The following FBXL13 variants were observed in gnomAD, a reference collection of about 807,000 sequenced individuals.
FBXL13 encodes the protein F-box and leucine rich repeat protein 13, also known as F-box and leucine-rich repeat protein 13.
FBXL13 carries 67 observed loss-of-function variants against 83.6 expected under a neutral mutation model. That is an observed-to-expected ratio of 0.80 (90% CI 0.66 to 0.98). The LOEUF (loss-of-function observed/expected upper bound fraction) is 0.98, where lower values mean the gene tolerates loss of function less well. Ranked by LOEUF, FBXL13 falls within the 50% of genes least tolerant of loss-of-function variation. The pLI, the probability that FBXL13 is intolerant of heterozygous loss-of-function variation, is 0.00. For synonymous variants in FBXL13, 272 were observed against 299.5 expected, an observed-to-expected ratio of 0.91 and a Z score of 0.95; for missense variants, 822 against 866.5, an observed-to-expected ratio of 0.95 and a Z score of 0.64.
chr7:103,059,645 A>C (rs1797663432), intron 1 of FBXL13, among the ~76,000 whole-genome samples: 1 of 151,976 alleles, frequency 6.6e-6, no homozygotes, highest in Admixed American at 6.6e-5. Context: ...TTCACAAAGC[A>C]ATTACGTAAT....
At chr7:102,916,802 G>A (rs1815971281) in intron 10 of FBXL13, among the ~76,000 whole-genome samples, 1 of 150,360 alleles carries the variant, frequency 6.7e-6, no homozygotes, top group African/African-American at 2.5e-5. Flanking sequence ...GGGGGGGGGT[G>A]TGAGTCCTCT....
At chr7:103,026,218 A>T (rs1004801413) in intron 5 of FBXL13, among the ~76,000 whole-genome samples, 2 of 151,902 alleles carry the variant, frequency 1.3e-5, no homozygotes, top group Non-Finnish European at 2.9e-5. Context: ...GGCTCACTGC[A>T]TCCTCCACCT....
At chr7:102,841,702 T>G (rs1483793914) in intron 17 of FBXL13, among the ~76,000 whole-genome samples, 3 of 152,214 alleles carry the variant, frequency 2.0e-5, no homozygotes, top group Non-Finnish European at 2.9e-5. Flanking sequence ...GAGAATACTG[T>G]TTATTTCTTT....
intron 2 of FBXL13, among the ~76,000 whole-genome samples, chr7:103,030,299 A>G (rs986102783): frequency 2.2e-4 from 34 of 152,230 alleles, no homozygotes; most frequent in Non-Finnish European, 4.7e-4. Context: ...CATACAAGAA[A>G]GGCCCATAGG....
chr7:102,826,375 C>A (rs1799620797), intron 18 of FBXL13, among the ~76,000 whole-genome samples: 1 of 151,930 alleles, frequency 6.6e-6, no homozygotes, highest in African/African-American at 2.4e-5. Flanking sequence ...AAAAGAGAGT[C>A]CAAGTTTTTG....
intron 7 of FBXL13, 118 bp from the exon 9 acceptor site, chr7:102,963,783 G>T: frequency 1.7e-5 from 16 of 952,390 alleles, no homozygotes; most frequent in Non-Finnish European, 2.4e-5. Context: ...TACAGCAAAA[G>T]AAACTATCAA....
intron 11 of FBXL13, among the ~76,000 whole-genome samples, chr7:102,911,069 T>A (rs542438117): frequency 6.6e-6 from 1 of 152,224 alleles, no homozygotes; most frequent in Admixed American, 6.5e-5. Flanking sequence ...CCTAAAAGCA[T>A]ACAAAGGTGT....
intron 6 of FBXL13, among the ~76,000 whole-genome samples, chr7:102,995,518 G>C (rs1023584948): frequency 2.0e-5 from 3 of 146,910 alleles, no homozygotes; most frequent in Admixed American, 6.9e-5. Context: ...GCCGGGCACA[G>C]TGGCTCACGC....
At chr7:103,059,939 G>A (rs539157222) in intron 1 of FBXL13, among the ~76,000 whole-genome samples, 1 of 141,958 alleles carries the variant, frequency 7.0e-6, no homozygotes, top group East Asian at 2.1e-4. Flanking sequence ...TACGCTATAG[G>A]GCTATCATGA....
At chr7:102,907,435 C>T (rs1315575370) in intron 11 of FBXL13, among the ~76,000 whole-genome samples, 1 of 152,022 alleles carries the variant, frequency 6.6e-6, no homozygotes, top group Non-Finnish European at 1.5e-5. Context: ...TCATCATTTA[C>T]ATTAGGTATA....
chr7:102,876,298 G>A lies in FBXL13; in HGVS notation c.1635+1169C>T, dbSNP rs188752910. On this transcript the variant is annotated intron_variant, in intron 16 of 19. Coordinates refer to ENST00000313221, the Ensembl canonical transcript of FBXL13. ...GAAACTAAACACCAAATGGGCCCTCGTACATCTCAGTGAATTCCAGCTTGG... is the reference window on the plus strand; with the variant it reads ...GAAACTAAACACCAAATGGGCCCTCATACATCTCAGTGAATTCCAGCTTGG... Among the ~76,000 whole-genome samples the A allele has an allele frequency of 2.6e-5, 4 of 152,212 alleles. No homozygotes were observed. In the East Asian group the frequency reaches 7.7e-4, roughly 29 times the overall value.
intron 17 of FBXL13, among the ~76,000 whole-genome samples, chr7:102,834,081 G>GA (rs1177969015): frequency 1.2e-5 from 1 of 84,920 alleles, no homozygotes; most frequent in Non-Finnish European, 2.1e-5. Context: ...AGGAAGGAAG[G>GA]AAAGAAAAGA....
intron 17 of FBXL13, among the ~76,000 whole-genome samples, chr7:102,834,885 TG>T (rs1562927943): frequency 2.7e-5 from 3 of 109,420 alleles, no homozygotes; most frequent in African/African-American, 4.3e-5. Context: ...ACAATGTGTG[TG>T]TGTGTGTGTG....
At chr7:103,050,544 C>T (rs868250365) in intron 2 of FBXL13, among the ~76,000 whole-genome samples, 7 of 152,196 alleles carry the variant, frequency 4.6e-5, no homozygotes, top group African/African-American at 1.4e-4. Context: ...ATCCAACCTC[C>T]AACTAGGAGT....
At chr7:102,844,019 A>C (rs1460282856) in intron 17 of FBXL13, among the ~76,000 whole-genome samples, 9 of 152,142 alleles carry the variant, frequency 5.9e-5, no homozygotes, top group Admixed American at 2.0e-4. Flanking sequence ...AGATATTAGT[A>C]AACCAGCTTG....
At chr7:102,942,145 C>T in intron 8 of FBXL13, 1 of 550,198 alleles carries the variant, frequency 1.8e-6, no homozygotes, top group South Asian at 2.7e-5. Context: ...AACGTATTTC[C>T]TACATTAATA....
chr7:102,843,073 T>C lies in FBXL13; in HGVS notation c.1720-10099A>G, dbSNP rs1170175129. On this transcript the variant is annotated intron_variant, in intron 17 of 19. Transcript: ENST00000313221. The stretch of plus-strand genomic sequence containing the variant: ...ATAAATGTTACCAAAGGGCAAATTT[T>C]TAAAATCGAAAGTTTATAATCTAAG... Among the ~76,000 whole-genome samples the C allele has an allele frequency of 3.3e-5, 5 of 152,194 alleles. No individual in the cohort carries two copies. In the East Asian group the frequency reaches 9.6e-4, roughly 29 times the overall value.
intron 1 of FBXL13, among the ~76,000 whole-genome samples, chr7:103,059,974 G>A (rs1344840004): frequency 2.9e-5 from 4 of 135,834 alleles, no homozygotes; most frequent in Non-Finnish European, 4.6e-5. Flanking sequence ...TTTGAATAGT[G>A]TCTAGCACAA....
chr7:102,822,903 A>T (rs934586790), intron 18 of FBXL13, among the ~76,000 whole-genome samples: 1 of 152,096 alleles, frequency 6.6e-6, no homozygotes, highest in Non-Finnish European at 1.5e-5. Context: ...AACTCCCAAA[A>T]ATACAAAAAT....
Sources: allele counts gnomAD v4.1 joint callset (sites outside exome capture counted in the v4.1 genomes callset), GRCh38; gene constraint gnomAD v4.1.1; transcripts MANE v1.5; gene names NCBI Gene and HGNC (gene_info 2026-07-23, HGNC 2026-07-21).